DNAH9: variants seen among roughly 807,000 people sequenced by gnomAD.
The protein encoded by DNAH9 is dynein axonemal heavy chain 9.
Under a neutral mutation model 471.6 loss-of-function variants are expected in DNAH9, and 345 were observed. The observed-to-expected ratio is 0.73, with a 90% CI of 0.67 to 0.80. The LOEUF (loss-of-function observed/expected upper bound fraction) is 0.80, where lower values mean the gene tolerates loss of function less well. Among genes scored for constraint, DNAH9 ranks in the 30% least tolerant of loss-of-function variants. The pLI is 0.00. For missense variants in DNAH9, 5,407 were observed against 5,609.2 expected (o/e 0.96, Z 1.15); for synonymous variants, 2,093 against 2,123.6 (o/e 0.99, Z 0.40).
At chr17:11,934,505 G>A (rs1974635228) in intron 65 of DNAH9, among the ~76,000 whole-genome samples, 1 of 142,720 alleles carries the variant, frequency 7.0e-6, no homozygotes, top group South Asian at 2.3e-4. Context: ...GAGTGCAGTG[G>A]CGCTATCTCT....
chr17:11,743,016 G>A (rs1489691553), intron 30 of DNAH9, among the ~76,000 whole-genome samples: 1 of 151,980 alleles, frequency 6.6e-6, no homozygotes, highest in African/African-American at 2.4e-5. Flanking sequence ...CACTTTTACG[G>A]CTTTATCCCA....
chr17:11,696,052 C>T (rs2074471299), intron 22 of DNAH9, among the ~76,000 whole-genome samples: 1 of 152,110 alleles, frequency 6.6e-6, no homozygotes, highest in East Asian at 1.9e-4. Flanking sequence ...GTATCCTTGC[C>T]TCCTCTGTTC....
intron 67 of DNAH9, among the ~76,000 whole-genome samples, chr17:11,954,999 T>C (rs1975565768): frequency 6.6e-6 from 1 of 152,086 alleles, no homozygotes; most frequent in Non-Finnish European, 1.5e-5. Context: ...AAAACCAAAA[T>C]ACATGCCAAC....
chr17:11,710,584 G>A lies in DNAH9; in HGVS notation c.5552+5399G>A, dbSNP rs556592853. On this transcript the variant is annotated intron_variant, in intron 26 of 68. Transcript: ENST00000262442. ...TTTGGATGTCATTAATTGCTCATAGGTTGAACATTTTTATGTGTTTATTAG... is the reference window on the plus strand; with the variant it reads ...TTTGGATGTCATTAATTGCTCATAGATTGAACATTTTTATGTGTTTATTAG... Among the ~76,000 whole-genome samples the A allele has an allele frequency of 1.9e-4, 29 of 152,124 alleles. No individual in the cohort carries two copies. In the Middle Eastern group the frequency reaches 0.017, roughly 89 times the overall value.
At chr17:11,788,701 C>A (rs1166098313) in intron 41 of DNAH9, among the ~76,000 whole-genome samples, 2 of 151,938 alleles carry the variant, frequency 1.3e-5, no homozygotes, top group African/African-American at 4.8e-5. Context: ...AGTTATGTTT[C>A]TTTCTTTTCA....
intron 62 of DNAH9, among the ~76,000 whole-genome samples, chr17:11,927,005 T>A (rs1400126760): frequency 6.6e-6 from 1 of 152,238 alleles, no homozygotes; most frequent in Non-Finnish European, 1.5e-5. Context: ...TCTCTAATGA[T>A]CAACGATGTT....
chr17:11,801,785 T>C (rs1969471711), intron 43 of DNAH9, among the ~76,000 whole-genome samples: 1 of 152,178 alleles, frequency 6.6e-6, no homozygotes, highest in Non-Finnish European at 1.5e-5. Flanking sequence ...AGTCTTGGAA[T>C]TGAGGCAAGT....
intron 57 of DNAH9, among the ~76,000 whole-genome samples, chr17:11,891,277 G>T (rs114431185): frequency 3.3e-5 from 5 of 152,182 alleles, no homozygotes; most frequent in Non-Finnish European, 7.3e-5. Context: ...TAATTCACAT[G>T]AGCAAACTAA....
Position 11,717,361 on chromosome 17 carries a change from C to T in DNAH9, c.5553-1973C>T, listed in dbSNP as rs189603361. 5.4e-5 allele frequency among the ~76,000 whole-genome samples: 8 copies of T among 147,650 alleles called. No individual in the cohort carries two copies. In the East Asian group the frequency reaches 1.2e-3, roughly 23 times the overall value. ...TAGCCTGAGCAACATAGTGAGACCCCGTCTCTATTTTTTAAAGGGAAAAGG... is the reference window on the plus strand; with the variant it reads ...TAGCCTGAGCAACATAGTGAGACCCTGTCTCTATTTTTTAAAGGGAAAAGG... On this transcript the variant is annotated intron_variant, in intron 26 of 68. Transcript: ENST00000262442.
At chr17:11,715,568 C>G (rs1339579591) in intron 26 of DNAH9, among the ~76,000 whole-genome samples, 1 of 152,132 alleles carries the variant, frequency 6.6e-6, no homozygotes, top group Admixed American at 6.5e-5. Context: ...CCTTCCAACG[C>G]TAACGTTCCT....
chr17:11,608,402 T>A, intron 2 of DNAH9, 77 bp downstream of exon 2: 1 of 1,192,810 alleles, frequency 8.4e-7, no homozygotes, highest in Non-Finnish European at 1.2e-6. Flanking sequence ...TCCTTACAAC[T>A]TTTCTGTTCC....
chr17:11,762,927 C>T (rs1490044313), intron 35 of DNAH9, among the ~76,000 whole-genome samples: 1 of 151,434 alleles, frequency 6.6e-6, no homozygotes, highest in East Asian at 1.9e-4. Flanking sequence ...GTACAGGTGC[C>T]CGCCACCGTG....
chr17:11,791,475 C>A (rs1298166911), intron 41 of DNAH9, among the ~76,000 whole-genome samples: 1 of 152,116 alleles, frequency 6.6e-6, no homozygotes, highest in Non-Finnish European at 1.5e-5. Flanking sequence ...CTTTAGGAGA[C>A]CAAGGTGGGC....
intron 61 of DNAH9, among the ~76,000 whole-genome samples, chr17:11,922,279 T>G (rs1974161787): frequency 6.6e-6 from 1 of 152,268 alleles, no homozygotes; most frequent in Non-Finnish European, 1.5e-5. Context: ...TCTTCACTTT[T>G]AGTTCCTCTG....
At position 11,736,861 on chromosome 17, in the gene DNAH9, T is replaced by C. The variant is rs535631062; in HGVS notation, c.5815-2019T>C. 2.0e-5 allele frequency among the ~76,000 whole-genome samples: 3 copies of C among 152,368 alleles called. No individual in the cohort carries two copies. The South Asian group carries it at 6.2e-4, about 32-fold the overall frequency. ...CAGAAAAGGTCCCAGGCTCGTGCCT[T>C]AGTCTTCGCCCAAAGGTAGCAGAGC... is the stretch of plus-strand genomic sequence containing the variant. On this transcript the variant is annotated intron_variant, in intron 28 of 68. Coordinates refer to ENST00000262442, the MANE Select transcript of DNAH9 (RefSeq NM_001372.4).
Position 11,942,340 on chromosome 17 carries a change from C to G in DNAH9, c.12698C>G (p.Thr4233Arg). The stretch of plus-strand genomic sequence containing the variant: ...CTGGAAGAAATATTGGAGCGGGTGA[C>G]AGACGAGTTTAACATCCCAGAACTG... ...ALLEEILERV[T>R]DEFNIPELMA... Residue 4233 changes from threonine (T) to arginine (R), a missense_variant, in exon 67 of 69, where the codon ACA (threonine) becomes AGA (arginine). Physicochemically the swap from Thr to Arg is moderately conservative, Grantham distance 71 (BLOSUM62 -1). Transcript: ENST00000262442. 2 of 1,614,140 alleles carry G rather than the reference C, an allele frequency of 1.2e-6. No homozygotes were observed. Among genetic ancestry groups the G allele is most frequent in the Non-Finnish European group, 8.5e-7 (1 of 1,179,992 alleles).
chr17:11,745,858 A>ATT (rs912070851), intron 31 of DNAH9, among the ~76,000 whole-genome samples: 3 of 152,074 alleles, frequency 2.0e-5, no homozygotes, highest in Admixed American at 1.3e-4. Context: ...AGTATTATGT[A>ATT]TTGTGTGTGT....
intron 31 of DNAH9, 51 bp downstream of exon 31, chr17:11,745,135 A>G (rs964178841): frequency 1.7e-5 from 24 of 1,444,578 alleles, no homozygotes; most frequent in Middle Eastern, 1.8e-4. Flanking sequence ...CTTATTGTCC[A>G]GGATAATGGG....
chr17:11,635,863 A>C (rs1333099098), intron 8 of DNAH9, among the ~76,000 whole-genome samples: 1 of 152,192 alleles, frequency 6.6e-6, no homozygotes, highest in Non-Finnish European at 1.5e-5. Flanking sequence ...ACCTGCTCTC[A>C]GAAACTATTT....
Sources: gnomAD v4.1 joint callset for allele counts (sites outside exome capture counted in the v4.1 genomes callset) on GRCh38, gnomAD v4.1.1 for gene constraint, MANE v1.5 for transcripts, NCBI Gene and HGNC (gene_info 2026-07-23, HGNC 2026-07-21) for gene names.